Variants in ZNF514 observed in about 807,000 individuals in gnomAD.
The protein encoded by ZNF514 is zinc finger protein 514.
In ZNF514, 12 loss-of-function variants were observed where a neutral mutation model predicts 9.7. The ratio of observed to expected loss-of-function variants is 1.24; its 90% confidence interval spans 0.79 to 2.01. The LOEUF is 2.01. Ranked by LOEUF, ZNF514 falls within the 30% of genes most tolerant of loss-of-function variation. The pLI, the probability that ZNF514 is intolerant of heterozygous loss-of-function variation, is 0.00. For synonymous variants in ZNF514, 158 were observed against 163.7 expected (o/e 0.97, Z 0.27); for missense variants, 467 against 465.5 (o/e 1.00, Z -0.03).
intron 3 of ZNF514, 102 bp from the exon 4 acceptor site, chr2:95,152,871 T>A: frequency 8.6e-7 from 1 of 1,160,852 alleles, no homozygotes; most frequent in Non-Finnish European, 1.3e-6. Flanking sequence ...ATGGAAAGCC[T>A]CCAGAGAACA....
chr2:95,154,377 C>T (rs954347715), intron 2 of ZNF514: 2 of 152,258 alleles, frequency 1.3e-5, no homozygotes, highest in Non-Finnish European at 2.9e-5. Flanking sequence ...CCTATACTGA[C>T]TCCTTAAAAA....
chr2:95,158,901 A>G (rs1673759178), intron 1 of ZNF514: 1 of 1,289,766 alleles, frequency 7.8e-7, no homozygotes, highest in Non-Finnish European at 1.0e-6. Flanking sequence ...GGTCCTCCTG[A>G]TATCGGGCTC....
At chr2:95,140,624 T>TAC (rs1481442419), downstream of ZNF514, among the ~76,000 whole-genome samples, 2 of 151,116 alleles carry the variant, frequency 1.3e-5, no homozygotes, top group Non-Finnish European at 2.9e-5. Flanking sequence ...AAAAAATATA[T>TAC]ATATATATAT....
intron 1 of ZNF514, 188 bp downstream of exon 1, chr2:95,159,044 CCCTGTGGT>C: frequency 8.1e-7 from 1 of 1,228,878 alleles, no homozygotes; most frequent in African/African-American, 1.6e-5. Flanking sequence ...TCGGCCACAG[CCCTGTGGT>C]CCTCCCGAGG....
rs1673385408 is a variant in ZNF514 at position 95,147,392 on chromosome 2, C to T, written c.*1890G>A. 6.6e-6 allele frequency: 1 copy of T among 152,120 alleles called. No individual in the cohort carries two copies. The highest frequency in any genetic ancestry group is 1.5e-5 in the Non-Finnish European group (1 of 68,020). 9.4% of individuals were successfully genotyped at this position (152,120 alleles called of 1,614,324 possible). Reference sequence around the variant, plus strand: ...ATAAAATCTGCCCATATAAAGTGAACAATTCAATGATTTTTAGTGAAGTTA... The same window carrying T: ...ATAAAATCTGCCCATATAAAGTGAATAATTCAATGATTTTTAGTGAAGTTA... On this transcript the variant is annotated 3_prime_UTR_variant, in exon 5 of 5. Transcript: ENST00000295208.
At chr2:95,125,841 TTTA>T in the ZNF514 span, among the ~76,000 whole-genome samples, 2 of 152,252 alleles carry the variant, frequency 1.3e-5, no homozygotes, top group Non-Finnish European at 2.9e-5. Flanking sequence ...TAGATCATAT[TTTA>T]TTATCCATTC....
chr2:95,153,531 T>A (rs1317882766), intron 2 of ZNF514: 1 of 257,712 alleles, frequency 3.9e-6, no homozygotes, highest in Non-Finnish European at 7.3e-6. Context: ...TTGAAACTTG[T>A]GACCTATGAT....
At chr2:95,127,508 C>A in the ZNF514 span, among the ~76,000 whole-genome samples, 1 of 152,236 alleles carries the variant, frequency 6.6e-6, no homozygotes, top group African/African-American at 2.4e-5. Context: ...TGATTAAGTG[C>A]CACCACATAG....
rs1184548539 is a variant in ZNF514, at chr2:95,149,794, G to T, written c.691C>A (p.Pro231Thr). 1.4e-5 allele frequency: 23 copies of T among 1,614,220 alleles called. No individual in the cohort carries two copies. The highest frequency in any genetic ancestry group is 1.7e-5 in the Non-Finnish European group (20 of 1,180,034). ...RHQRCHTGEK[P>T]YECSDCGRAF... ...CTTCCACAGTCACTGCATTCATACGGCTTTTCTCCAGTGTGACATCGCTGA... is the reference window on the plus strand; with the variant it reads ...CTTCCACAGTCACTGCATTCATACGTCTTTTCTCCAGTGTGACATCGCTGA... Residue 231 changes from proline (P) to threonine (T), a missense_variant, in exon 5 of 5, where the codon CCG (proline) becomes ACG (threonine). Physicochemically the swap from Pro to Thr is conservative, Grantham distance 38. Transcript: ENST00000295208.
Position 95,149,097 on chromosome 2 carries a change from AAGAG to A in ZNF514, c.*181_*184del, listed in dbSNP as rs1673443162. Reference sequence around the variant, plus strand: ...TAGTATGGATTCTCCCATGTTTGGTAAGAGAGGGGAAGCCCACCCCCTCTTGACA... The same window carrying A: ...TAGTATGGATTCTCCCATGTTTGGTAAGGGGAAGCCCACCCCCTCTTGACA... On this transcript the variant is annotated 3_prime_UTR_variant, in exon 5 of 5. Transcript: ENST00000295208. The A allele has an allele frequency of 9.1e-6, 6 of 659,808 alleles. No individual in the cohort carries two copies. Among genetic ancestry groups the A allele is most frequent in the Non-Finnish European group, 1.5e-5 (6 of 408,746 alleles). 40.9% of individuals were successfully genotyped at this position (659,808 alleles called of 1,614,324 possible).
chr2:95,134,611 T>G, the ZNF514 span, among the ~76,000 whole-genome samples: 11 of 152,300 alleles, frequency 7.2e-5, no homozygotes, highest in South Asian at 2.3e-3. Flanking sequence ...CCCATACCCT[T>G]TAGCTGTTTC....
chr2:95,153,039 C>CA, intron 3 of ZNF514, 94 bp downstream of exon 3: 1 of 1,512,780 alleles, frequency 6.6e-7, no homozygotes, highest in East Asian at 2.3e-5. Flanking sequence ...AACCCAGGGC[C>CA]AAACTTAGCC....
At chr2:95,151,482 G>A (rs915334069) in intron 4 of ZNF514, among the ~76,000 whole-genome samples, 2 of 152,204 alleles carry the variant, frequency 1.3e-5, no homozygotes, top group African/African-American at 4.8e-5. Flanking sequence ...ACTCCAGAAA[G>A]GTGTGCAGCC....
the ZNF514 span, among the ~76,000 whole-genome samples, chr2:95,137,757 C>A: frequency 1.4e-4 from 21 of 152,232 alleles, no homozygotes; most frequent in South Asian, 8.3e-4. Flanking sequence ...AACATCCAAA[C>A]TTTTATAGCA....
At chr2:95,135,575 C>T in the ZNF514 span, among the ~76,000 whole-genome samples, 1 of 151,796 alleles carries the variant, frequency 6.6e-6, no homozygotes, top group Non-Finnish European at 1.5e-5. Flanking sequence ...GCCCACACCA[C>T]TATACCTGGC....
chr2:95,156,904 A>T (rs1673701960), intron 2 of ZNF514, among the ~76,000 whole-genome samples: 1 of 152,030 alleles, frequency 6.6e-6, no homozygotes, highest in Non-Finnish European at 1.5e-5. Context: ...CTTGTCCCCA[A>T]TTCTCCATGA....
rs1673814793 is a variant in ZNF514 at position 95,159,806 on chromosome 2, T to G, written c.-662A>C. ...GCAGACGCGGCCGCCGCCGGGGCCC[T>G]TCAGAGCCAGCGCCGGTGGCGGGGT... On this transcript the variant is annotated 5_prime_UTR_variant, in exon 1 of 5. Coordinates refer to ENST00000295208, the MANE Select transcript of ZNF514 (RefSeq NM_032788.3). 2.0e-5 allele frequency among the ~76,000 whole-genome samples: 3 copies of G among 151,332 alleles called. No homozygotes were observed. The highest frequency in any genetic ancestry group is 7.3e-5 in the African/African-American group (3 of 41,322).
the ZNF514 span, among the ~76,000 whole-genome samples, chr2:95,130,930 CTTTATAA>C: frequency 6.6e-6 from 1 of 152,184 alleles, no homozygotes; most frequent in South Asian, 2.1e-4. Flanking sequence ...TCCATGAAAT[CTTTATAA>C]TTTATGTTTA....
At chr2:95,152,895 G>C in intron 3 of ZNF514, 126 bp from the exon 4 acceptor site, 1 of 1,006,610 alleles carries the variant, frequency 9.9e-7, no homozygotes, top group Non-Finnish European at 1.5e-6. Flanking sequence ...ATTGTGAAAA[G>C]TTAGGAACAC....
Sources: gnomAD v4.1 joint callset for allele counts (sites outside exome capture counted in the v4.1 genomes callset) on GRCh38, gnomAD v4.1.1 for gene constraint, MANE v1.5 for transcripts, NCBI Gene and HGNC (gene_info 2026-07-23, HGNC 2026-07-21) for gene names.